The following CYP4F8 variants were observed in gnomAD, a reference collection of about 807,000 sequenced individuals.
CYP4F8 encodes the protein cytochrome P450 family 4 subfamily F member 8.
CYP4F8 carries 56 observed loss-of-function variants against 55.0 expected under a neutral mutation model. That is an observed-to-expected ratio of 1.02 (90% CI 0.82 to 1.27). The LOEUF (loss-of-function observed/expected upper bound fraction) is 1.27, where lower values mean the gene tolerates loss of function less well. Ranked by LOEUF, CYP4F8 falls within the 50% of genes most tolerant of loss-of-function variation. CYP4F8 has a pLI of 0.00. For missense variants in CYP4F8, 680 were observed against 682.4 expected, an observed-to-expected ratio of 1.00 and a Z score of 0.04; for synonymous variants, 288 against 267.3, an observed-to-expected ratio of 1.08 and a Z score of -0.76.
At position 15,622,266 on chromosome 19, in the gene CYP4F8, G is replaced by A. The variant is rs772842974; in HGVS notation, c.573G>A (p.Val191=). 2 of 1,612,178 alleles carry A rather than the reference G, an allele frequency of 1.2e-6. No individual in the cohort carries two copies. The highest frequency in any genetic ancestry group is 1.7e-5 in the Admixed American group (1 of 59,892). The change falls in exon 6 of 13, where the codon GTG becomes GTA. Residue 191 remains valine, a synonymous_variant. Transcript: ENST00000612078. ...LAMEGSTCLD[V]FEHISLMTLD... The stretch of plus-strand genomic sequence containing the variant: ...TGGAGGGCAGCACCTGTCTGGATGT[G>A]TTTGAGCACATCAGCCTTATGACCC...
At chr19:15,617,388 C>T (rs920559051) in intron 2 of CYP4F8, among the ~76,000 whole-genome samples, 69 of 152,160 alleles carry the variant, frequency 4.5e-4, no homozygotes, top group African/African-American at 1.7e-3. Context: ...GAGGCTGTGC[C>T]ACCTCTAAAG....
Position 15,623,913 on chromosome 19 carries a change from C to T in CYP4F8, c.986-52C>T, listed in dbSNP as rs1490343075. 3 of 1,606,598 alleles carry T rather than the reference C, an allele frequency of 1.9e-6. No homozygotes were observed. In the African/African-American group the frequency reaches 4.0e-5, roughly 22 times the overall value. On this transcript the variant is annotated intron_variant, in intron 8 of 12. Transcript: ENST00000612078. ...CCTCAATGTATGGGCGCTGTCCACC[C>T]TCTGGGTGCTGAAGCAGCCCAGAGA...
chr19:15,629,095 G>A, intron 12 of CYP4F8, 98 bp from the exon 13 acceptor site: 1 of 1,455,088 alleles, frequency 6.9e-7, no homozygotes, highest in Non-Finnish European at 9.1e-7. Flanking sequence ...TGCCCAAGGT[G>A]ATCTGGGTGG....
chr19:15,616,117 A>C (rs1252189389), intron 2 of CYP4F8, among the ~76,000 whole-genome samples: 6 of 97,328 alleles, frequency 6.2e-5, no homozygotes, highest in Non-Finnish European at 6.1e-5. Flanking sequence ...TCCTCTCCTC[A>C]CTCACTCATT....
chr19:15,619,704 A>G lies in CYP4F8; in HGVS notation c.467A>G (p.His156Arg). 1 of 1,614,196 alleles carries G rather than the reference A, an allele frequency of 6.2e-7. No individual in the cohort carries two copies. Among genetic ancestry groups the G allele is most frequent in the Non-Finnish European group, 8.5e-7 (1 of 1,180,032 alleles). Residue 156 changes from histidine (H) to arginine (R), a missense_variant, in exon 5 of 13, where the codon CAT (histidine) becomes CGT (arginine). His to Arg is a conservative substitution (Grantham distance 29). Transcript: ENST00000612078. The part of the protein sequence containing the change: ...HHRRLLTPAF[H>R]FNILKPYIKI... ...CGTCGCTTGCTGACGCCTGCCTTCC[A>G]TTTCAACATCCTGAAGCCCTATATA...
chr19:15,619,374 T>G, intron 3 of CYP4F8, 116 bp from the exon 4 acceptor site: 1 of 1,249,686 alleles, frequency 8.0e-7, no homozygotes, highest in East Asian at 2.5e-5. Flanking sequence ...GCCTCCTTCC[T>G]GCTATGCTGG....
At chr19:15,622,638 G>A (rs1253391316) in intron 6 of CYP4F8, among the ~76,000 whole-genome samples, 1 of 152,110 alleles carries the variant, frequency 6.6e-6, no homozygotes, top group African/African-American at 2.4e-5. Context: ...TAGATCTTAA[G>A]GATCTTGAAA....
chr19:15,629,433 T>C lies in CYP4F8; in HGVS notation c.*75T>C, dbSNP rs1972307887. The C allele has an allele frequency of 1.4e-6, 2 of 1,474,566 alleles. No homozygotes were observed. The highest frequency in any genetic ancestry group is 1.4e-5 in the South Asian group (1 of 71,800). The allele number at this position is 1,474,566 out of a possible 1,614,324, so 91.3% of individuals were successfully genotyped here. The stretch of plus-strand genomic sequence containing the variant: ...AACTACCTTTTCAGATTTCCGGTAA[T>C]AAATCTGTGTTGGCCCCTGTGCCTC... On this transcript the variant is annotated 3_prime_UTR_variant, in exon 13 of 13. Coordinates refer to ENST00000612078, the MANE Select transcript of CYP4F8 (RefSeq NM_007253.4).
intron 2 of CYP4F8, among the ~76,000 whole-genome samples, chr19:15,617,325 G>A (rs1450791338): frequency 2.0e-5 from 3 of 152,192 alleles, no homozygotes; most frequent in Non-Finnish European, 2.9e-5. Flanking sequence ...GGGAGCAGGA[G>A]GGAGTGGAGA....
Position 15,622,270 on chromosome 19 carries a change from G to T in CYP4F8, c.577G>T (p.Glu193Ter). Residue 193 changes from glutamate to a stop codon, truncating the protein, a stop_gained, in exon 6 of 13, where the codon GAG (glutamate) becomes TAG (stop). Coordinates refer to ENST00000612078, the MANE Select transcript of CYP4F8 (RefSeq NM_007253.4). LOFTEE classifies it high-confidence loss of function. ...GGGCAGCACCTGTCTGGATGTGTTT[G>T]AGCACATCAGCCTTATGACCCTGGA... Reference protein sequence around the residue: ...MEGSTCLDVFEHISLMTLDSL... With the variant: ...MEGSTCLDVF The T allele has an allele frequency of 6.2e-7, 1 of 1,613,730 alleles. No homozygotes were observed. The highest frequency in any genetic ancestry group is 8.5e-7 in the Non-Finnish European group (1 of 1,179,878).
intron 9 of CYP4F8, chr19:15,628,081 AC>A (rs1972284782): frequency 3.1e-6 from 2 of 655,178 alleles, no homozygotes; most frequent in African/African-American, 1.8e-5. Flanking sequence ...TTTAAGAGAC[AC>A]CCTCTGAATA....
rs922068009 is a variant in CYP4F8, at chr19:15,628,122, A to G, written c.1116-180A>G. The G allele has an allele frequency of 3.2e-5, 28 of 863,352 alleles. No individual in the cohort carries two copies. The African/African-American group carries it at 4.6e-4, about 14-fold the overall frequency. 53.5% of individuals were successfully genotyped at this position (863,352 alleles called of 1,614,324 possible). A position where few individuals can be genotyped will look rare whatever the true frequency, so the allele number is the denominator to read the frequency against. ...TTTGCTCAGAAATACCTCTAAAAAC[A>G]CCAGGTCAACTTTTCTTCTAGTAGT... On this transcript the variant is annotated intron_variant, in intron 9 of 12. Coordinates refer to ENST00000612078, the MANE Select transcript of CYP4F8 (RefSeq NM_007253.4).
Position 15,623,132 on chromosome 19 carries a change from C to A in CYP4F8, c.675C>A (p.Ile225=), listed in dbSNP as rs769743159. 4 of 1,613,974 alleles carry A rather than the reference C, an allele frequency of 2.5e-6. No individual in the cohort carries two copies. The highest frequency in any genetic ancestry group is 1.3e-5 in the African/African-American group (1 of 74,894). The change falls in exon 7 of 13, where the codon ATC becomes ATA. Residue 225 remains isoleucine (I), a synonymous_variant. Coordinates refer to ENST00000612078, the MANE Select transcript of CYP4F8 (RefSeq NM_007253.4). ...QEKPSEYITA[I]MELSALVVKR... ...AGCCCAGTGAATATATTACTGCGAT[C>A]ATGGAGCTCAGTGCCCTTGTAGTGA... is the stretch of plus-strand genomic sequence containing the variant.
rs1233609490 is a variant in CYP4F8, at chr19:15,629,300, C to T, written c.1505C>T (p.Pro502Leu). 1 of 1,612,968 alleles carries T rather than the reference C, an allele frequency of 6.2e-7. No individual in the cohort carries two copies. Among genetic ancestry groups the T allele is most frequent in the African/African-American group, 1.3e-5 (1 of 74,896 alleles). Residue 502 changes from proline to leucine, a missense_variant, in exon 13 of 13, where the codon CCG becomes CTG. Transcript: ENST00000612078. ...GACCACAGGGAGCCACGCAGGACGC[C>T]GGAGATTGTTTTGCGTGCGGAGGAC... ...LPDHREPRRT[P>L]EIVLRAEDGL...
intron 6 of CYP4F8, among the ~76,000 whole-genome samples, 189 bp downstream of exon 6, chr19:15,622,529 AC>A (rs1972208078): frequency 6.6e-6 from 1 of 152,106 alleles, no homozygotes; most frequent in Admixed American, 6.6e-5. Context: ...AACAAGTGGA[AC>A]TGTTTGGGTC....
chr19:15,624,684 C>A (rs1421415601), intron 9 of CYP4F8, among the ~76,000 whole-genome samples: 3 of 152,096 alleles, frequency 2.0e-5, no homozygotes, highest in Non-Finnish European at 2.9e-5. Context: ...TTTGAGAATA[C>A]CAAATTTCCT....
rs375426335 is a variant in CYP4F8 at position 15,629,353 on chromosome 19, G to C, written c.1558G>C (p.Gly520Arg). 2.1e-5 allele frequency: 34 copies of C among 1,607,538 alleles called. No homozygotes were observed. The African/African-American group carries it at 4.4e-4, about 21-fold the overall frequency. The change falls in exon 13 of 13, where the codon GGC becomes CGC. Residue 520 changes from glycine (G) to arginine (R), a missense_variant. Coordinates refer to ENST00000612078, the MANE Select transcript of CYP4F8 (RefSeq NM_007253.4). Reference protein sequence around the residue: ...DGLWLRVEPLG With the variant: ...DGLWLRVEPLR Reference sequence around the variant, plus strand: ...ACTTTGGCTGCGAGTAGAACCCCTGGGCTGAGGCCTGCAGTGACCCACCCA... The same window carrying C: ...ACTTTGGCTGCGAGTAGAACCCCTGCGCTGAGGCCTGCAGTGACCCACCCA...
chr19:15,626,737 C>A (rs557565549), intron 9 of CYP4F8, among the ~76,000 whole-genome samples: 1 of 152,106 alleles, frequency 6.6e-6, no homozygotes, highest in Non-Finnish European at 1.5e-5. Context: ...AATTTGCATG[C>A]GTATTTATCC....
intron 3 of CYP4F8, 155 bp downstream of exon 3, chr19:15,618,299 A>G (rs1423710595): frequency 6.2e-6 from 7 of 1,137,736 alleles, no homozygotes; most frequent in Non-Finnish European, 7.8e-6. Flanking sequence ...GTAGTCACCA[A>G]CCCCAACCTC....
Sources: allele counts gnomAD v4.1 joint callset (sites outside exome capture counted in the v4.1 genomes callset), GRCh38; gene constraint gnomAD v4.1.1; transcripts MANE v1.5; gene names NCBI Gene and HGNC (gene_info 2026-07-23, HGNC 2026-07-21).